Variants in ZCCHC14 observed in about 807,000 individuals in gnomAD.
ZCCHC14 encodes the protein zinc finger CCHC-type containing 14, also known as zinc finger CCHC domain-containing protein 14.
ZCCHC14 carries 16 observed loss-of-function variants against 85.0 expected under a neutral mutation model. The ratio of observed to expected loss-of-function variants is 0.19; its 90% CI spans 0.13 to 0.29. The LOEUF is 0.29. ZCCHC14 is among the 10% of genes least tolerant of loss of function. ZCCHC14 has a pLI of 1.00. For synonymous variants in ZCCHC14, 775 were observed against 630.7 expected (o/e 1.23, Z -3.43); for missense variants, 1,303 against 1,443.5 (o/e 0.90, Z 1.58).
Position 87,420,740 on chromosome 16 carries a change from G to A in ZCCHC14, c.841-24C>T, listed in dbSNP as rs536114622. 2 of 1,594,242 alleles carry A rather than the reference G, an allele frequency of 1.3e-6. No individual in the cohort carries two copies. Among genetic ancestry groups the A allele is most frequent in the South Asian group, 1.1e-5 (1 of 88,358 alleles). On this transcript the variant is annotated intron_variant, in intron 4 of 12. Transcript: ENST00000671377. The surrounding 1 kb of genome is among the most constrained non-coding windows in gnomAD (Gnocchi z 5.0). ...AGCTGGAAGAGAGGACAAGGTAGAG[G>A]AGGTGTGTCCAGACCCATCCAACAC...
At chr16:87,451,297 A>G (rs1196722303) in intron 2 of ZCCHC14, among the ~76,000 whole-genome samples, 1 of 151,774 alleles carries the variant, frequency 6.6e-6, no homozygotes, top group African/African-American at 2.4e-5. Flanking sequence ...CCCGGGTTCA[A>G]GCAACTCTCC....
intron 7 of ZCCHC14, 21 bp downstream of exon 7, chr16:87,418,826 G>A: frequency 6.2e-7 from 1 of 1,609,576 alleles, no homozygotes; most frequent in Non-Finnish European, 8.5e-7. Context: ...AACTGTGCTG[G>A]TTACATAGAA....
intron 2 of ZCCHC14, among the ~76,000 whole-genome samples, chr16:87,442,987 G>T (rs552765932): frequency 6.6e-6 from 1 of 152,340 alleles, no homozygotes; most frequent in East Asian, 1.9e-4. Flanking sequence ...AACTGCTAAA[G>T]TTCTTTGAAC....
intron 1 of ZCCHC14, among the ~76,000 whole-genome samples, chr16:87,469,955 A>G (rs1567539163): frequency 6.6e-6 from 1 of 152,186 alleles, no homozygotes; most frequent in Non-Finnish European, 1.5e-5. Context: ...AAACCAGTGC[A>G]CTTGCCAGGC....
At chr16:87,458,045 C>T (rs140991155) in intron 2 of ZCCHC14, among the ~76,000 whole-genome samples, 3 of 151,308 alleles carry the variant, frequency 2.0e-5, no homozygotes, top group Admixed American at 1.3e-4. Flanking sequence ...TCTCTCTGGG[C>T]ACCAAAGCAT....
At chr16:87,441,862 C>T (rs555421494) in intron 2 of ZCCHC14, among the ~76,000 whole-genome samples, 12 of 152,304 alleles carry the variant, frequency 7.9e-5, no homozygotes, top group African/African-American at 2.9e-4. Flanking sequence ...CCAGGTAAGA[C>T]GGAGCAGCAA....
At chr16:87,490,633 T>C (rs186606927) in intron 1 of ZCCHC14, among the ~76,000 whole-genome samples, 1 of 152,302 alleles carries the variant, frequency 6.6e-6, no homozygotes, top group East Asian at 1.9e-4. Context: ...TAACATTCCT[T>C]AAGGCATCGG....
chr16:87,462,835 C>T (rs754030501), intron 1 of ZCCHC14, among the ~76,000 whole-genome samples: 2 of 151,978 alleles, frequency 1.3e-5, no homozygotes, highest in East Asian at 1.9e-4. Flanking sequence ...TTTGGGAGGC[C>T]GAGGCAGGCA....
chr16:87,456,462 G>A (rs546674493), intron 2 of ZCCHC14, among the ~76,000 whole-genome samples: 1 of 148,554 alleles, frequency 6.7e-6, no homozygotes, highest in South Asian at 2.1e-4. Flanking sequence ...GAACCCGGGA[G>A]GCGGAGGTTG....
intron 1 of ZCCHC14, 77 bp from the exon 2 acceptor site, chr16:87,460,208 C>T: frequency 1.3e-6 from 2 of 1,529,540 alleles, no homozygotes; most frequent in East Asian, 2.3e-5. Flanking sequence ...TTAATTAAGT[C>T]TTTCATAATT....
At chr16:87,462,203 G>A (rs543189719) in intron 1 of ZCCHC14, among the ~76,000 whole-genome samples, 85 of 151,022 alleles carry the variant, frequency 5.6e-4, no homozygotes, top group South Asian at 1.3e-3. Context: ...ATGTTATCAA[G>A]AAAATAAAAT....
At chr16:87,469,303 G>A (rs1178354581) in intron 1 of ZCCHC14, among the ~76,000 whole-genome samples, 1 of 152,200 alleles carries the variant, frequency 6.6e-6, no homozygotes, top group South Asian at 2.1e-4. Context: ...GACGTACACA[G>A]ATCAAATTAT....
intron 2 of ZCCHC14, among the ~76,000 whole-genome samples, chr16:87,446,809 G>A (rs1291570828): frequency 2.6e-5 from 4 of 151,826 alleles, no homozygotes; most frequent in East Asian, 1.9e-4. Flanking sequence ...TCAGCCTCCC[G>A]AGTCGCTGGG....
chr16:87,473,327 T>A (rs57592334), intron 1 of ZCCHC14: 18 of 152,056 alleles, frequency 1.2e-4, no homozygotes, highest in African/African-American at 4.4e-4. Flanking sequence ...CTCAGCCTCC[T>A]GAGTAGCTGG....
Position 87,427,427 on chromosome 16 carries a change from G to C in ZCCHC14, c.769-3546C>G, listed in dbSNP as rs181046769. On this transcript the variant is annotated intron_variant, in intron 3 of 12. Transcript: ENST00000671377. ...GGGGTATGAACTTTTTTTTCTTTTT[G>C]AGACAGAGTTTTGCTCTGCTGCCCA... Among the ~76,000 whole-genome samples, 442 of 152,082 alleles carry C rather than the reference G, an allele frequency of 2.9e-3. 1 individual carries two copies. Among genetic ancestry groups the C allele is most frequent in the African/African-American group, 9.7e-3 (401 of 41,516 alleles).
chr16:87,410,910 C>G (rs973240092), intron 12 of ZCCHC14, among the ~76,000 whole-genome samples: 3 of 152,224 alleles, frequency 2.0e-5, no homozygotes, highest in African/African-American at 4.8e-5. Flanking sequence ...AAGGTGGCAC[C>G]ATGAGTTGTC....
At chr16:87,473,714 C>A (rs1160757754) in intron 1 of ZCCHC14, 1 of 152,002 alleles carries the variant, frequency 6.6e-6, no homozygotes, top group Non-Finnish European at 1.5e-5. Context: ...TGAGCACGTT[C>A]AAGTGGCTGC....
intron 2 of ZCCHC14, among the ~76,000 whole-genome samples, chr16:87,448,387 A>T (rs975875817): frequency 2.6e-5 from 4 of 152,162 alleles, no homozygotes; most frequent in African/African-American, 9.7e-5. Context: ...ATCAAAAAAA[A>T]CAACAATGCG....
At chr16:87,418,013 T>G in intron 7 of ZCCHC14, 1 of 470,280 alleles carries the variant, frequency 2.1e-6, no homozygotes, top group South Asian at 5.1e-5. Flanking sequence ...CCTCTGCCCG[T>G]GCTTCGGAGT....
Sources: gnomAD v4.1 joint callset for allele counts (sites outside exome capture counted in the v4.1 genomes callset) on GRCh38, gnomAD v4.1.1 for gene constraint, Gnocchi (gnomAD v3.1) non-coding constraint, MANE v1.5 for transcripts, NCBI Gene and HGNC (gene_info 2026-07-23, HGNC 2026-07-21) for gene names.